The following ZNF385B variants were observed in gnomAD, a reference collection of about 807,000 sequenced individuals.
The protein encoded by ZNF385B is zinc finger protein 533.
In ZNF385B, 23 loss-of-function variants were observed where a neutral mutation model predicts 39.2. That is an observed-to-expected ratio of 0.59 (90% CI 0.42 to 0.83). The LOEUF is 0.83. Ranked by LOEUF, ZNF385B falls within the 40% of genes least tolerant of loss-of-function variation. The pLI is 0.00. For synonymous variants in ZNF385B, 205 were observed against 222.6 expected (o/e 0.92, Z 0.70); for missense variants, 552 against 598.9 (o/e 0.92, Z 0.82).
At chr2:179,541,595 T>C (rs1380462777) in intron 4 of ZNF385B, among the ~76,000 whole-genome samples, 1 of 152,164 alleles carries the variant, frequency 6.6e-6, no homozygotes, top group Non-Finnish European at 1.5e-5. Flanking sequence ...TGGTTAAAAA[T>C]AAAACGATAA....
At chr2:179,689,758 T>C (rs1013256412) in intron 3 of ZNF385B, among the ~76,000 whole-genome samples, 1 of 150,732 alleles carries the variant, frequency 6.6e-6, no homozygotes, top group Non-Finnish European at 1.5e-5. Context: ...CAAGACTACA[T>C]GAAGAAGAGC....
At chr2:179,734,904 G>A (rs190828224) in intron 3 of ZNF385B, among the ~76,000 whole-genome samples, 16 of 152,152 alleles carry the variant, frequency 1.1e-4, no homozygotes, top group African/African-American at 2.7e-4. Flanking sequence ...AGACTTAAAC[G>A]TCAGACCTAA....
intron 3 of ZNF385B, among the ~76,000 whole-genome samples, chr2:179,651,896 C>T (rs183135031): frequency 3.9e-4 from 59 of 152,210 alleles, no homozygotes; most frequent in Middle Eastern, 3.4e-3. Flanking sequence ...ATTCATTTCC[C>T]TTATCTTTAT....
chr2:179,622,500 C>T (rs1247603672), intron 3 of ZNF385B, among the ~76,000 whole-genome samples: 2 of 152,074 alleles, frequency 1.3e-5, no homozygotes, highest in Admixed American at 1.3e-4. Flanking sequence ...AAAAATAAAC[C>T]TTATTTTCTA....
chr2:179,559,295 G>T (rs530142026), intron 3 of ZNF385B, among the ~76,000 whole-genome samples: 5 of 152,058 alleles, frequency 3.3e-5, no homozygotes, highest in Non-Finnish European at 7.4e-5. Flanking sequence ...GGAGTGTTCT[G>T]TGACCCAAGG....
At chr2:179,645,318 T>C (rs897557199) in intron 3 of ZNF385B, among the ~76,000 whole-genome samples, 1 of 152,220 alleles carries the variant, frequency 6.6e-6, no homozygotes, top group Admixed American at 6.5e-5. Flanking sequence ...CAGGGCTGGC[T>C]CTTAACCCAT....
chr2:179,752,853 A>G (rs79591545), intron 3 of ZNF385B, among the ~76,000 whole-genome samples: 19,572 of 151,830 alleles, frequency 0.13, 1,518 homozygotes, highest in Middle Eastern at 0.27. Flanking sequence ...AGATGAGTAG[A>G]TTGCAAAAAT....
chr2:179,629,571 A>C (rs548620650), intron 3 of ZNF385B, among the ~76,000 whole-genome samples: 1 of 152,312 alleles, frequency 6.6e-6, no homozygotes, highest in Admixed American at 6.5e-5. Flanking sequence ...GAAAAGGAAC[A>C]GCTCCAGTCT....
At chr2:179,811,684 G>T (rs899300075) in intron 1 of ZNF385B, among the ~76,000 whole-genome samples, 1 of 151,544 alleles carries the variant, frequency 6.6e-6, no homozygotes, top group Non-Finnish European at 1.5e-5. Flanking sequence ...GACCTCAAAC[G>T]ATAAGAATCC....
At chr2:179,831,911 G>A (rs6708281) in intron 1 of ZNF385B, among the ~76,000 whole-genome samples, 6,709 of 152,226 alleles carry the variant, frequency 0.044, 240 homozygotes, top group African/African-American at 0.11. Flanking sequence ...TCATGCATTT[G>A]GAAGCTTGAA....
At chr2:179,839,278 C>T (rs1708423217) in intron 1 of ZNF385B, among the ~76,000 whole-genome samples, 1 of 152,212 alleles carries the variant, frequency 6.6e-6, no homozygotes, top group African/African-American at 2.4e-5. Context: ...CATACCTAAT[C>T]TCGAGGACCT....
intron 1 of ZNF385B, among the ~76,000 whole-genome samples, chr2:179,831,755 G>A (rs966620370): frequency 1.3e-5 from 2 of 152,146 alleles, no homozygotes; most frequent in African/African-American, 4.8e-5. Flanking sequence ...AAGGGTCCAA[G>A]CCCTGGATCA....
intron 1 of ZNF385B, among the ~76,000 whole-genome samples, chr2:179,778,450 C>T (rs1249402596): frequency 6.6e-6 from 1 of 152,182 alleles, no homozygotes; most frequent in Non-Finnish European, 1.5e-5. Context: ...CCGAGCTCTA[C>T]CTGCTATGGA....
chr2:179,539,093 T>C (rs147924821), intron 4 of ZNF385B, among the ~76,000 whole-genome samples: 260 of 152,360 alleles, frequency 1.7e-3, no homozygotes, highest in African/African-American at 6.0e-3. Context: ...CCAAATACCA[T>C]ATACTGGGTA....
At chr2:179,775,038 A>T (rs899134820) in intron 1 of ZNF385B, among the ~76,000 whole-genome samples, 1 of 152,190 alleles carries the variant, frequency 6.6e-6, no homozygotes, top group African/African-American at 2.4e-5. Flanking sequence ...AACTATGTTG[A>T]AATGCCTTGT....
At chr2:179,766,612 A>T (rs1559175399) in intron 3 of ZNF385B, among the ~76,000 whole-genome samples, 1 of 151,902 alleles carries the variant, frequency 6.6e-6, no homozygotes, top group Non-Finnish European at 1.5e-5. Flanking sequence ...CTCTCTGTGC[A>T]TATCTGTCTC....
chr2:179,780,232 T>C (rs139014713), intron 1 of ZNF385B, among the ~76,000 whole-genome samples: 161 of 152,280 alleles, frequency 1.1e-3, no homozygotes, highest in African/African-American at 3.1e-3. Context: ...TGTTAGAGAA[T>C]GAACAGCAGT....
rs73046902 is a variant in ZNF385B at position 179,760,574 on chromosome 2, C to T, written c.298+8929G>A. Among the ~76,000 whole-genome samples, 1,047 of 152,138 alleles carry T rather than the reference C, an allele frequency of 6.9e-3. 6 individuals carry two copies. Among genetic ancestry groups the T allele is most frequent in the African/African-American group, 0.024 (995 of 41,500 alleles). On this transcript the variant is annotated intron_variant, in intron 3 of 9. Coordinates refer to ENST00000410066, the MANE Select transcript of ZNF385B (RefSeq NM_152520.6). The stretch of plus-strand genomic sequence containing the variant: ...ATGTACCACAATTTAACAAGTCACC[C>T]CCAAAAGATATGCATGTCAAATCCT...
intron 1 of ZNF385B, among the ~76,000 whole-genome samples, chr2:179,789,396 C>T (rs1474621255): frequency 3.9e-5 from 6 of 152,094 alleles, no homozygotes; most frequent in African/African-American, 1.4e-4. Context: ...CCTCGGGTGA[C>T]TATATCAGAC....
Sources: gnomAD v4.1 joint callset for allele counts (sites outside exome capture counted in the v4.1 genomes callset) on GRCh38, gnomAD v4.1.1 for gene constraint, MANE v1.5 for transcripts, NCBI Gene and HGNC (gene_info 2026-07-23, HGNC 2026-07-21) for gene names.